Variants in GADL1 observed in about 807,000 individuals in gnomAD.
The protein encoded by GADL1 is GAD like acidic amino acid decarboxylase 1, also known as acidic amino acid decarboxylase GADL1.
A neutral mutation model predicts 69.5 loss-of-function variants in GADL1; 71 were observed. That is an observed-to-expected ratio of 1.02 (90% CI 0.84 to 1.25). The LOEUF is 1.25. Among genes scored for constraint, GADL1 ranks in the 50% most tolerant of loss-of-function variants. GADL1 has a pLI of 0.00. For missense variants in GADL1, 737 were observed against 631.8 expected, an observed-to-expected ratio of 1.17 and a Z score of -1.79; for synonymous variants, 254 against 214.4, an observed-to-expected ratio of 1.18 and a Z score of -1.62.
At chr3:30,732,857 A>C (rs1032161525) in intron 14 of GADL1, among the ~76,000 whole-genome samples, 1 of 152,184 alleles carries the variant, frequency 6.6e-6, no homozygotes, top group African/African-American at 2.4e-5. Flanking sequence ...CAGGAGTTTG[A>C]GACCAGCCTG....
chr3:30,863,737 A>G (rs1338114920), intron 1 of GADL1, among the ~76,000 whole-genome samples: 5 of 151,964 alleles, frequency 3.3e-5, no homozygotes, highest in Non-Finnish European at 7.4e-5. Flanking sequence ...AAATATATGT[A>G]TTTCAAACAC....
chr3:30,770,549 G>A (rs924470949), intron 14 of GADL1, among the ~76,000 whole-genome samples: 1 of 152,030 alleles, frequency 6.6e-6, no homozygotes, highest in East Asian at 1.9e-4. Flanking sequence ...GACTGTCATC[G>A]AGGGTGCCCA....
intron 14 of GADL1, among the ~76,000 whole-genome samples, chr3:30,738,271 G>T (rs1695566024): frequency 6.6e-6 from 1 of 152,112 alleles, no homozygotes; most frequent in African/African-American, 2.4e-5. Flanking sequence ...TGGAATCATG[G>T]CAAAGCATTT....
In GADL1 at chr3:30,726,696, G is replaced by A. The variant is rs1695372265; in HGVS notation, c.*1546C>T. The A allele has an allele frequency of 6.6e-6, 1 of 152,078 alleles. No homozygotes were observed. The highest frequency in any genetic ancestry group is 2.4e-5 in the African/African-American group (1 of 41,408). 9.4% of individuals were successfully genotyped at this position (152,078 alleles called of 1,614,324 possible). A position where few individuals can be genotyped will look rare whatever the true frequency, so the allele number is the denominator to read the frequency against. On this transcript the variant is annotated 3_prime_UTR_variant, in exon 15 of 15. Coordinates refer to ENST00000282538, the MANE Select transcript of GADL1 (RefSeq NM_207359.3). Reference sequence around the variant, plus strand: ...GGTTATTGAATGTGCTAAGTCTAATGCTTTAACACTCTTCAATCATTCACC... The same window carrying A: ...GGTTATTGAATGTGCTAAGTCTAATACTTTAACACTCTTCAATCATTCACC...
intron 11 of GADL1, among the ~76,000 whole-genome samples, chr3:30,812,712 G>T (rs1356022090): frequency 6.6e-6 from 1 of 152,136 alleles, no homozygotes; most frequent in African/African-American, 2.4e-5. Context: ...TCAACAGATA[G>T]GGGAACTTTG....
At chr3:30,728,437 G>C (rs756849041) in intron 14 of GADL1, 22 bp from the exon 15 acceptor site, 6 of 1,607,026 alleles carry the variant, frequency 3.7e-6, no homozygotes, top group Non-Finnish European at 4.3e-6. Flanking sequence ...GAAAAGGGGA[G>C]AGGGGTGAAA....
At chr3:30,890,455 A>G (rs1413731870) in intron 1 of GADL1, among the ~76,000 whole-genome samples, 1 of 152,248 alleles carries the variant, frequency 6.6e-6, no homozygotes, top group African/African-American at 2.4e-5. Flanking sequence ...TACCAAACAC[A>G]TTAGAAAAAC....
chr3:30,735,751 C>T (rs1364717925), intron 14 of GADL1, among the ~76,000 whole-genome samples: 1 of 152,114 alleles, frequency 6.6e-6, no homozygotes, highest in Non-Finnish European at 1.5e-5. Flanking sequence ...GAAGCTGGGC[C>T]TTTGCACTCT....
chr3:30,761,762 A>G (rs1696140368), intron 14 of GADL1, among the ~76,000 whole-genome samples: 1 of 152,152 alleles, frequency 6.6e-6, no homozygotes, highest in Non-Finnish European at 1.5e-5. Context: ...AATCTGGAAC[A>G]CTTTTTCTAC....
chr3:30,787,442 T>C (rs1696821111), intron 12 of GADL1, among the ~76,000 whole-genome samples: 1 of 152,194 alleles, frequency 6.6e-6, no homozygotes, highest in African/African-American at 2.4e-5. Context: ...CTGAAATGGC[T>C]GGCCTTGAAA....
At chr3:30,875,386 A>ATGAG (rs751241072) in intron 1 of GADL1, among the ~76,000 whole-genome samples, 18 of 151,970 alleles carry the variant, frequency 1.2e-4, no homozygotes, top group Non-Finnish European at 2.1e-4. Flanking sequence ...TCATTCCCAT[A>ATGAG]TGAGGACCTT....
chr3:30,848,967 C>A (rs2125531152), intron 6 of GADL1, among the ~76,000 whole-genome samples: 1 of 152,274 alleles, frequency 6.6e-6, no homozygotes, highest in Admixed American at 6.5e-5. Context: ...TTTCTTCCCA[C>A]ATCTTGGGTC....
intron 12 of GADL1, among the ~76,000 whole-genome samples, chr3:30,789,505 A>G (rs1443277594): frequency 6.6e-6 from 1 of 152,196 alleles, no homozygotes; most frequent in African/African-American, 2.4e-5. Flanking sequence ...CACCAGCTGC[A>G]TTAGCTCCTA....
In GADL1 at chr3:30,850,026, C is replaced by T. The variant is rs766955427; in HGVS notation, c.621G>A (p.Ser207=). 1.9e-5 allele frequency: 31 copies of T among 1,606,754 alleles called. No individual in the cohort carries two copies. The highest frequency in any genetic ancestry group is 8.3e-5 in the Admixed American group (5 of 59,954). Residue 207 remains serine, a synonymous_variant, in exon 6 of 15, where the codon TCG becomes TCA. Coordinates refer to ENST00000282538, the MANE Select transcript of GADL1 (RefSeq NM_207359.3). ...CAGATGTGAAAAGGATTAATCTTGG[C>T]GAACCAGACAGCCCCTTTTCCTTAA... ...PDIKEKGLSG[S]PRLILFTSAE...
In GADL1 at chr3:30,782,328, A is replaced by G. The variant is rs180830234; in HGVS notation, c.1302+4027T>C. Among the ~76,000 whole-genome samples the G allele has an allele frequency of 2.0e-5, 3 of 152,300 alleles. No individual in the cohort carries two copies. In the East Asian group the frequency reaches 5.8e-4, roughly 29 times the overall value. ...TAGCAGACAGTACCTAGATAGTACC[A>G]ACCTGAAGAGTGATGAGATCTTGAA... is the stretch of plus-strand genomic sequence containing the variant. On this transcript the variant is annotated intron_variant, in intron 13 of 14. Coordinates refer to ENST00000282538, the MANE Select transcript of GADL1 (RefSeq NM_207359.3).
chr3:30,881,570 A>G (rs1287639603), intron 1 of GADL1, among the ~76,000 whole-genome samples: 3 of 151,912 alleles, frequency 2.0e-5, no homozygotes, highest in Non-Finnish European at 4.4e-5. Flanking sequence ...CAACAGTATA[A>G]AAAAAGATAT....
At chr3:30,858,707 G>A (rs1439233996) in intron 2 of GADL1, among the ~76,000 whole-genome samples, 1 of 151,948 alleles carries the variant, frequency 6.6e-6, no homozygotes, top group Non-Finnish European at 1.5e-5. Context: ...TCCAAAAGCT[G>A]TATAGCAGTT....
chr3:30,745,717 T>G (rs1289807110), intron 14 of GADL1, among the ~76,000 whole-genome samples: 1 of 151,896 alleles, frequency 6.6e-6, no homozygotes, highest in South Asian at 2.1e-4. Flanking sequence ...TCATCTTTGG[T>G]GCATGGGCCA....
intron 12 of GADL1, among the ~76,000 whole-genome samples, chr3:30,789,799 T>C (rs1559500446): frequency 6.6e-6 from 1 of 152,202 alleles, no homozygotes; most frequent in Non-Finnish European, 1.5e-5. Flanking sequence ...ACTTTCCTTA[T>C]TCATCTTCCA....
Sources: gnomAD v4.1 joint callset for allele counts (sites outside exome capture counted in the v4.1 genomes callset) on GRCh38, gnomAD v4.1.1 for gene constraint, MANE v1.5 for transcripts, NCBI Gene and HGNC (gene_info 2026-07-23, HGNC 2026-07-21) for gene names.